Variants in RYR2 observed in about 807,000 individuals in gnomAD.
RYR2 encodes cardiac muscle ryanodine receptor-calcium release channel.
RYR2 carries 227 observed loss-of-function variants against 601.1 expected under a neutral mutation model. That is an observed-to-expected ratio of 0.38 (90% CI 0.34 to 0.42). The LOEUF is 0.42. Among genes scored for constraint, RYR2 ranks in the 10% least tolerant of loss-of-function variants. The pLI is 1.00. For missense variants in RYR2, 4,646 were observed against 6,156.5 expected (o/e 0.75, Z 8.21); for synonymous variants, 2,223 against 2,175.1 (o/e 1.02, Z -0.61).
chr1:237,328,363 A>G (rs1382147253), intron 2 of RYR2, among the ~76,000 whole-genome samples: 1 of 152,230 alleles, frequency 6.6e-6, no homozygotes, highest in Non-Finnish European at 1.5e-5. Context: ...AAGAGTATGT[A>G]TTCCTAAATT....
intron 4 of RYR2, among the ~76,000 whole-genome samples, chr1:237,362,610 C>T (rs191097048): frequency 1.4e-4 from 22 of 152,104 alleles, no homozygotes; most frequent in South Asian, 6.2e-4. Flanking sequence ...TGTTTTAATG[C>T]GCTTTGCTTT....
intron 88 of RYR2, among the ~76,000 whole-genome samples, chr1:237,780,886 TAGA>T (rs760074264): frequency 6.6e-6 from 1 of 152,294 alleles, no homozygotes; most frequent in South Asian, 2.1e-4. Flanking sequence ...TAATAGCACC[TAGA>T]AGAAGTTAGA....
At chr1:237,217,186 T>A (rs1013278284) in intron 1 of RYR2, among the ~76,000 whole-genome samples, 7 of 152,208 alleles carry the variant, frequency 4.6e-5, no homozygotes, top group Non-Finnish European at 7.3e-5. Context: ...AGAAGTAGCC[T>A]CTGACATGGA....
At chr1:237,793,614 G>A (rs1024891814) in intron 94 of RYR2, among the ~76,000 whole-genome samples, 27 of 152,122 alleles carry the variant, frequency 1.8e-4, no homozygotes, top group African/African-American at 6.3e-4. Context: ...TTTCACTAGT[G>A]TAATTATCTA....
rs1573262300 is a variant in RYR2, at chr1:237,637,598, T to TC, written c.6793-758dup. Among the ~76,000 whole-genome samples, 4 of 152,342 alleles carry TC rather than the reference T, an allele frequency of 2.6e-5. No homozygotes were observed. The South Asian group carries it at 8.3e-4, about 32-fold the overall frequency. ...ATGTTTGACTGTGATCTTAGGTTTT[T>TC]CTCTACGTATTTTCTCACACCTGCT... On this transcript the variant is annotated intron_variant, in intron 44 of 104. Coordinates refer to ENST00000366574, the MANE Select transcript of RYR2 (RefSeq NM_001035.3).
chr1:237,508,734 C>CTTTT (rs869044432), intron 23 of RYR2, among the ~76,000 whole-genome samples: 3 of 77,642 alleles, frequency 3.9e-5, no homozygotes, highest in Non-Finnish European at 5.0e-5. Context: ...TTCGGGTTTT[C>CTTTT]TTTTTTTTTT....
chr1:237,124,644 T>C (rs1553306628), intron 1 of RYR2, among the ~76,000 whole-genome samples: 2 of 152,228 alleles, frequency 1.3e-5, no homozygotes, highest in Non-Finnish European at 2.9e-5. Context: ...CAATGGCTAG[T>C]AGAGTCTTTC....
intron 48 of RYR2, among the ~76,000 whole-genome samples, chr1:237,646,178 A>G (rs559816670): frequency 1.3e-5 from 2 of 151,636 alleles, no homozygotes; most frequent in African/African-American, 2.4e-5. Flanking sequence ...TGCCCGGCCA[A>G]ATCTCTGCTT....
intron 1 of RYR2, among the ~76,000 whole-genome samples, chr1:237,143,113 A>G (rs2148768505): frequency 6.6e-6 from 1 of 152,346 alleles, no homozygotes; most frequent in Admixed American, 6.5e-5. Flanking sequence ...TAAATTTGCC[A>G]GGGCACAAAA....
At chr1:237,108,074 A>G (rs908823050) in intron 1 of RYR2, among the ~76,000 whole-genome samples, 1 of 152,210 alleles carries the variant, frequency 6.6e-6, no homozygotes, top group Non-Finnish European at 1.5e-5. Flanking sequence ...AAGCTGGTTC[A>G]TGTATGCCTC....
At chr1:237,216,744 C>T (rs1425481331) in intron 1 of RYR2, among the ~76,000 whole-genome samples, 4 of 147,842 alleles carry the variant, frequency 2.7e-5, no homozygotes, top group Admixed American at 2.7e-4. Context: ...TCTTAAAACA[C>T]CCCCCACCAA....
chr1:237,436,601 C>A (rs768725301), intron 12 of RYR2, among the ~76,000 whole-genome samples: 1 of 150,816 alleles, frequency 6.6e-6, no homozygotes, highest in Non-Finnish European at 1.5e-5. Flanking sequence ...GGCTGCAGTG[C>A]GGCACCATAA....
chr1:237,239,327 G>C (rs937266315), intron 1 of RYR2, among the ~76,000 whole-genome samples: 1 of 152,044 alleles, frequency 6.6e-6, no homozygotes, highest in Non-Finnish European at 1.5e-5. Context: ...AGTGAAAAGC[G>C]CTCTCTCCTG....
At chr1:237,555,553 ATAGTCT>A (rs1338070029) in intron 27 of RYR2, among the ~76,000 whole-genome samples, 3 of 152,110 alleles carry the variant, frequency 2.0e-5, no homozygotes, top group Admixed American at 2.0e-4. Flanking sequence ...TTTGGTATCT[ATAGTCT>A]TAATAGAGAT....
chr1:237,087,368 C>T (rs533769264), intron 1 of RYR2, among the ~76,000 whole-genome samples: 2 of 152,274 alleles, frequency 1.3e-5, no homozygotes, highest in East Asian at 3.9e-4. Flanking sequence ...TCCTCCTCCT[C>T]CTCCTTCTTT....
At chr1:237,424,554 T>C (rs1189432152) in intron 12 of RYR2, among the ~76,000 whole-genome samples, 4 of 152,204 alleles carry the variant, frequency 2.6e-5, no homozygotes, top group Non-Finnish European at 5.9e-5. Flanking sequence ...CAAAACAAGG[T>C]CATGATTTGG....
At chr1:237,463,050 A>C (rs1357104570) in intron 16 of RYR2, among the ~76,000 whole-genome samples, 1 of 152,164 alleles carries the variant, frequency 6.6e-6, no homozygotes, top group Non-Finnish European at 1.5e-5. Flanking sequence ...TAGATTCTTC[A>C]GTACATTCTG....
At chr1:237,713,500 G>A (rs901447934) in intron 71 of RYR2, among the ~76,000 whole-genome samples, 2 of 151,964 alleles carry the variant, frequency 1.3e-5, no homozygotes, top group Non-Finnish European at 2.9e-5. Context: ...GGGTTCAAGC[G>A]ATTCTCCTGC....
At chr1:237,137,394 T>A (rs1672911985) in intron 1 of RYR2, among the ~76,000 whole-genome samples, 1 of 152,194 alleles carries the variant, frequency 6.6e-6, no homozygotes, top group African/African-American at 2.4e-5. Flanking sequence ...AGTGCAGATG[T>A]TAAGGCTTCT....
Sources: gnomAD v4.1 joint callset for allele counts (sites outside exome capture counted in the v4.1 genomes callset) on GRCh38, gnomAD v4.1.1 for gene constraint, MANE v1.5 for transcripts, NCBI Gene and HGNC (gene_info 2026-07-23, HGNC 2026-07-21) for gene names.